Variants in GREB1L observed in about 807,000 individuals in gnomAD.
GREB1L encodes the protein GREB1-like protein.
GREB1L carries 17 observed loss-of-function variants against 200.8 expected under a neutral mutation model. That is an observed-to-expected ratio of 0.08 (90% CI 0.06 to 0.13). The LOEUF is 0.13. GREB1L is among the 10% of genes least tolerant of loss of function. The pLI, the probability that GREB1L is intolerant of heterozygous loss-of-function variation, is 1.00. For missense variants in GREB1L, 1,657 were observed against 2,367.7 expected, an observed-to-expected ratio of 0.70 and a Z score of 6.23; for synonymous variants, 789 against 893.0, an observed-to-expected ratio of 0.88 and a Z score of 2.08.
intron 1 of GREB1L, among the ~76,000 whole-genome samples, chr18:21,276,198 T>A (rs2038160653): frequency 6.6e-6 from 1 of 152,230 alleles, no homozygotes; most frequent in East Asian, 1.9e-4. Context: ...CCAGTCTTTC[T>A]ACCCTGATGA....
intron 1 of GREB1L, among the ~76,000 whole-genome samples, chr18:21,293,564 A>C (rs1426539597): frequency 6.6e-6 from 1 of 152,160 alleles, no homozygotes; most frequent in African/African-American, 2.4e-5. Context: ...CCTTCGTGCT[A>C]GGTATTTTGT....
Position 21,522,911 on chromosome 18 carries a change from T to C in GREB1L, c.*90T>C, listed in dbSNP as rs2037628616. ...TTTTTCTTTTTCCTTTAAAGTACAA[T>C]CACTGTGGAGCAAAGTGCAACATAT... is the stretch of plus-strand genomic sequence containing the variant. On this transcript the variant is annotated 3_prime_UTR_variant, in exon 33 of 33. Coordinates refer to ENST00000424526, the MANE Select transcript of GREB1L (RefSeq NM_001142966.3). 1 of 1,207,738 alleles carries C rather than the reference T, an allele frequency of 8.3e-7. No individual in the cohort carries two copies. The highest frequency in any genetic ancestry group is 1.1e-6 in the Non-Finnish European group (1 of 881,246). 74.8% of individuals were successfully genotyped at this position (1,207,738 alleles called of 1,614,324 possible).
chr18:21,426,757 G>C (rs2032614155), intron 7 of GREB1L, among the ~76,000 whole-genome samples: 1 of 151,908 alleles, frequency 6.6e-6, no homozygotes, highest in Non-Finnish European at 1.5e-5. Flanking sequence ...AGGAGATCGA[G>C]ACCATCCTGG....
chr18:21,268,489 G>GTATA (rs779141511), intron 1 of GREB1L, among the ~76,000 whole-genome samples: 5 of 124,916 alleles, frequency 4.0e-5, no homozygotes, highest in African/African-American at 1.5e-4. Context: ...GTGTGTGTGT[G>GTATA]TATATATATA....
intron 1 of GREB1L, among the ~76,000 whole-genome samples, chr18:21,257,639 G>C (rs1226270099): frequency 6.6e-6 from 1 of 152,170 alleles, no homozygotes; most frequent in African/African-American, 2.4e-5. Flanking sequence ...AACTGTGATG[G>C]AACAGTGTAA....
chr18:21,430,243 T>C (rs946588351), intron 7 of GREB1L, among the ~76,000 whole-genome samples: 1 of 152,102 alleles, frequency 6.6e-6, no homozygotes, highest in Non-Finnish European at 1.5e-5. Context: ...AACAATGGCA[T>C]ACAATTGTTC....
intron 1 of GREB1L, among the ~76,000 whole-genome samples, chr18:21,264,284 AC>A (rs1427795603): frequency 1.3e-5 from 2 of 151,952 alleles, no homozygotes; most frequent in African/African-American, 4.8e-5. Context: ...AAAAAAAAAA[AC>A]GATGACAACA....
chr18:21,360,339 C>T (rs531283442), intron 1 of GREB1L, among the ~76,000 whole-genome samples: 1 of 152,322 alleles, frequency 6.6e-6, no homozygotes, highest in South Asian at 2.1e-4. Context: ...CTGCCTCAGC[C>T]TCCTAAGTAG....
At position 21,495,727 on chromosome 18, in the gene GREB1L, G is replaced by A. The variant is rs199956733; in HGVS notation, c.3088G>A (p.Gly1030Ser). The A allele has an allele frequency of 1.5e-5, 23 of 1,547,918 alleles. No individual in the cohort carries two copies. Among genetic ancestry groups the A allele is most frequent in the Middle Eastern group, 1.7e-4 (1 of 6,002 alleles). Residue 1030 changes from glycine (G) to serine (S), a missense_variant, in exon 20 of 33, where the codon GGT becomes AGT. Gly to Ser is a moderately conservative substitution (Grantham distance 56). Transcript: ENST00000424526. ...WIPRTYQDLD[G>S]LPCIVILTGK... Reference sequence around the variant, plus strand: ...CCCTCGGACATACCAAGATTTAGACGGTCTACCTTGTATTGTGATATTAAC... The same window carrying A: ...CCCTCGGACATACCAAGATTTAGACAGTCTACCTTGTATTGTGATATTAAC...
intron 1 of GREB1L, among the ~76,000 whole-genome samples, chr18:21,258,034 G>T (rs868816669): frequency 2.4e-4 from 37 of 152,100 alleles, no homozygotes; most frequent in African/African-American, 7.0e-4. Context: ...TAAAACTTTT[G>T]TTCCTGCCTC....
chr18:21,249,035 A>C (rs1374084331), intron 1 of GREB1L, among the ~76,000 whole-genome samples: 1 of 152,260 alleles, frequency 6.6e-6, no homozygotes, highest in Non-Finnish European at 1.5e-5. Context: ...TATAAAAGTA[A>C]AAACATTAGA....
chr18:21,291,967 T>A (rs945428248), intron 1 of GREB1L, among the ~76,000 whole-genome samples: 1 of 152,218 alleles, frequency 6.6e-6, no homozygotes, highest in Non-Finnish European at 1.5e-5. Context: ...TGGGCTTGGA[T>A]GTTATTTTCA....
chr18:21,257,903 C>G (rs1330397838), intron 1 of GREB1L, among the ~76,000 whole-genome samples: 1 of 152,172 alleles, frequency 6.6e-6, no homozygotes, highest in Admixed American at 6.5e-5. Flanking sequence ...GTAAAGTAGG[C>G]ATCATTATTC....
At chr18:21,448,955 G>GA (rs775363086) in intron 11 of GREB1L, among the ~76,000 whole-genome samples, 9 of 152,110 alleles carry the variant, frequency 5.9e-5, no homozygotes, top group Non-Finnish European at 8.8e-5. Context: ...CTCTATCTGG[G>GA]AAAAATGTGA....
At chr18:21,332,942 G>A (rs1472108316) in intron 1 of GREB1L, among the ~76,000 whole-genome samples, 2 of 151,998 alleles carry the variant, frequency 1.3e-5, no homozygotes, top group African/African-American at 4.8e-5. Context: ...TTAGCTGGGT[G>A]TGATGACATA....
At chr18:21,412,051 CAAAAAAAAAAA>C (rs962603456) in intron 7 of GREB1L, among the ~76,000 whole-genome samples, 9 of 30,490 alleles carry the variant, frequency 3.0e-4, no homozygotes, top group Non-Finnish European at 5.0e-4. Flanking sequence ...GACTCCGTCT[CAAAAAAAAAAA>C]AAAAAAAAAA....
At chr18:21,485,532 G>T (rs1568049400) in intron 17 of GREB1L, 88 bp from the exon 18 acceptor site, 3 of 1,201,272 alleles carry the variant, frequency 2.5e-6, no homozygotes, top group Non-Finnish European at 3.4e-6. Flanking sequence ...ACCTCTTACA[G>T]CGGTCATTTC....
intron 1 of GREB1L, among the ~76,000 whole-genome samples, chr18:21,350,684 G>A (rs1435330963): frequency 6.6e-6 from 1 of 152,090 alleles, no homozygotes; most frequent in African/African-American, 2.4e-5. Flanking sequence ...AGACTTCATG[G>A]GCAATGATGT....
chr18:21,411,938 G>A (rs1221942091), intron 7 of GREB1L, among the ~76,000 whole-genome samples: 3 of 151,758 alleles, frequency 2.0e-5, no homozygotes, highest in East Asian at 2.0e-4. Flanking sequence ...CCAGCTACTC[G>A]GGAGGCTGAG....
Sources: allele counts gnomAD v4.1 joint callset (sites outside exome capture counted in the v4.1 genomes callset), GRCh38; gene constraint gnomAD v4.1.1; transcripts MANE v1.5; gene names NCBI Gene and HGNC (gene_info 2026-07-23, HGNC 2026-07-21).